Variants in BMPR1B observed in about 807,000 individuals in gnomAD.
BMPR1B encodes bone morphogenetic protein receptor type 1B.
A neutral mutation model predicts 59.1 loss-of-function variants in BMPR1B; 12 were observed. That is an observed-to-expected ratio of 0.20 (90% CI 0.13 to 0.33). The LOEUF is 0.33. Ranked by LOEUF, BMPR1B falls within the 10% of genes least tolerant of loss-of-function variation. The pLI is 1.00. For synonymous variants in BMPR1B, 237 were observed against 207.3 expected (o/e 1.14, Z -1.23); for missense variants, 550 against 610.9 (o/e 0.90, Z 1.05).
chr4:94,857,132 GGA>G lies in BMPR1B; in HGVS notation c.-182-18692_-182-18691del, dbSNP rs1417423029. 2.6e-5 allele frequency among the ~76,000 whole-genome samples: 4 copies of G among 151,946 alleles called. No individual in the cohort carries two copies. In the South Asian group the frequency reaches 6.2e-4, roughly 24 times the overall value. ...AAAGAATGAGATAAAAAAGTATGGA[GGA>G]GAGAGAACTAAAATCCAGTCTGAGA... On this transcript the variant is annotated intron_variant, in intron 1 of 12. Coordinates refer to ENST00000515059, the MANE Select transcript of BMPR1B (RefSeq NM_001203.3).
At chr4:94,805,079 G>C (rs1045911410) in intron 1 of BMPR1B, among the ~76,000 whole-genome samples, 2 of 152,106 alleles carry the variant, frequency 1.3e-5, no homozygotes, top group Non-Finnish European at 2.9e-5. Context: ...GCCATCTTGT[G>C]CCTGTAAGTA....
intron 2 of BMPR1B, among the ~76,000 whole-genome samples, chr4:94,912,193 G>A (rs62316215): frequency 0.1 from 15,387 of 152,106 alleles, 1,050 homozygotes; most frequent in Non-Finnish European, 0.15. Flanking sequence ...CTCCCACCGG[G>A]TCCCTCCAAC....
At chr4:94,978,945 T>TAC (rs1199460119) in intron 2 of BMPR1B, among the ~76,000 whole-genome samples, 4 of 112,864 alleles carry the variant, frequency 3.5e-5, no homozygotes, top group Non-Finnish European at 5.5e-5. Context: ...CCATCACACA[T>TAC]ACATACACAC....
intron 2 of BMPR1B, among the ~76,000 whole-genome samples, chr4:94,888,525 G>A (rs1469856097): frequency 6.6e-6 from 1 of 152,010 alleles, no homozygotes; most frequent in African/African-American, 2.4e-5. Flanking sequence ...ACCAGGCACT[G>A]TCCTAAACAC....
At chr4:94,842,817 A>G (rs1191570269) in intron 1 of BMPR1B, among the ~76,000 whole-genome samples, 2 of 152,112 alleles carry the variant, frequency 1.3e-5, no homozygotes, top group Non-Finnish European at 2.9e-5. Context: ...GAAAACAAAT[A>G]TATTTATCTT....
At chr4:94,787,347 T>C (rs1014207605) in intron 1 of BMPR1B, among the ~76,000 whole-genome samples, 1 of 152,194 alleles carries the variant, frequency 6.6e-6, no homozygotes, top group Non-Finnish European at 1.5e-5. Flanking sequence ...CCTTGGCTTA[T>C]TAAATATTTT....
At position 94,996,073 on chromosome 4, in the gene BMPR1B, T is replaced by C. The variant is rs780424050; in HGVS notation, c.-79T>C. The C allele has an allele frequency of 2.6e-5, 4 of 152,196 alleles. No homozygotes were observed. The highest frequency in any genetic ancestry group is 5.9e-5 in the Non-Finnish European group (4 of 68,046). 9.4% of individuals were successfully genotyped at this position (152,196 alleles called of 1,614,324 possible). ...TTCTGCTGATTCATAACCATTTGGC[T>C]CTGAGCTATGACAAGAGAGGAAACA... On this transcript the variant is annotated 5_prime_UTR_variant, in exon 3 of 13. Coordinates refer to ENST00000515059, the MANE Select transcript of BMPR1B (RefSeq NM_001203.3).
At chr4:95,129,206 C>T (rs1259720341) in intron 8 of BMPR1B, among the ~76,000 whole-genome samples, 3 of 152,168 alleles carry the variant, frequency 2.0e-5, no homozygotes, top group Admixed American at 1.3e-4. Context: ...CAACCCATAG[C>T]AAATTTAGTA....
At chr4:95,067,462 C>T (rs1233300376) in intron 3 of BMPR1B, among the ~76,000 whole-genome samples, 1 of 152,078 alleles carries the variant, frequency 6.6e-6, no homozygotes, top group Non-Finnish European at 1.5e-5. Flanking sequence ...GAAGTTTACC[C>T]GACAGAAACC....
chr4:94,895,145 T>C (rs889963300), intron 2 of BMPR1B, among the ~76,000 whole-genome samples: 17 of 152,010 alleles, frequency 1.1e-4, no homozygotes, highest in Non-Finnish European at 2.9e-5. Flanking sequence ...TTTTTCTGCT[T>C]GATTTTACAG....
Position 95,154,852 on chromosome 4 carries a change from G to C in BMPR1B, c.*179G>C. On this transcript the variant is annotated 3_prime_UTR_variant, in exon 13 of 13. Coordinates refer to ENST00000515059, the MANE Select transcript of BMPR1B (RefSeq NM_001203.3). ...CTGGGCAAAGACAGAGAAGCTCCCAGAAGGAGAGATTGATCCATGTCTGTT... is the reference window on the plus strand; with the variant it reads ...CTGGGCAAAGACAGAGAAGCTCCCACAAGGAGAGATTGATCCATGTCTGTT... 1 of 795,436 alleles carries C rather than the reference G, an allele frequency of 1.3e-6. No individual in the cohort carries two copies. The highest frequency in any genetic ancestry group is 2.0e-6 in the Non-Finnish European group (1 of 499,560). 49.3% of individuals were successfully genotyped at this position (795,436 alleles called of 1,614,324 possible).
chr4:94,883,264 G>A (rs915233675), intron 2 of BMPR1B, among the ~76,000 whole-genome samples: 1 of 152,056 alleles, frequency 6.6e-6, no homozygotes, highest in Non-Finnish European at 1.5e-5. Flanking sequence ...ACTACATGCC[G>A]GATTTCTGTG....
chr4:94,970,861 C>G (rs1730766273), intron 2 of BMPR1B, among the ~76,000 whole-genome samples: 2 of 152,154 alleles, frequency 1.3e-5, no homozygotes. Flanking sequence ...CATCCTGCTA[C>G]TGAACACTAT....
chr4:95,033,505 A>C (rs1342733490), intron 3 of BMPR1B, among the ~76,000 whole-genome samples: 1 of 152,140 alleles, frequency 6.6e-6, no homozygotes, highest in Non-Finnish European at 1.5e-5. Context: ...CTTCTTTTAC[A>C]GGTGGATATC....
chr4:95,007,281 A>G (rs1722912820), intron 3 of BMPR1B, among the ~76,000 whole-genome samples: 2 of 152,164 alleles, frequency 1.3e-5, no homozygotes, highest in Admixed American at 6.5e-5. Flanking sequence ...TCACACTATG[A>G]TGGCATGAAT....
intron 3 of BMPR1B, among the ~76,000 whole-genome samples, chr4:95,064,554 G>T (rs1369182678): frequency 6.6e-6 from 1 of 152,108 alleles, no homozygotes; most frequent in Admixed American, 6.6e-5. Flanking sequence ...AAAGACTGAG[G>T]ACTGCTGTTT....
At chr4:94,906,256 A>C (rs192932565) in intron 2 of BMPR1B, among the ~76,000 whole-genome samples, 5 of 152,180 alleles carry the variant, frequency 3.3e-5, no homozygotes, top group Admixed American at 3.3e-4. Context: ...GAAAATCTGT[A>C]TGGGTACATG....
chr4:94,887,973 A>G (rs1174139374), intron 2 of BMPR1B, among the ~76,000 whole-genome samples: 1 of 152,220 alleles, frequency 6.6e-6, no homozygotes, highest in South Asian at 2.1e-4. Context: ...ATAAAATTCT[A>G]AGGGCTAACA....
At chr4:94,988,856 C>CT (rs1209021540) in intron 2 of BMPR1B, among the ~76,000 whole-genome samples, 4 of 151,480 alleles carry the variant, frequency 2.6e-5, no homozygotes, top group East Asian at 1.9e-4. Context: ...AAAAAAGCCC[C>CT]TTTTTTTTGG....
Sources: gnomAD v4.1 joint callset for allele counts (sites outside exome capture counted in the v4.1 genomes callset) on GRCh38, gnomAD v4.1.1 for gene constraint, MANE v1.5 for transcripts, NCBI Gene and HGNC (gene_info 2026-07-23, HGNC 2026-07-21) for gene names.